INO80: variants seen among roughly 807,000 people sequenced by gnomAD.
The protein encoded by INO80 is INO80 complex ATPase subunit.
In INO80, 20 loss-of-function variants were observed where a neutral mutation model predicts 203.4. The ratio of observed to expected loss-of-function variants is 0.10; its 90% CI spans 0.07 to 0.14. INO80 has a LOEUF of 0.14. INO80 is among the 10% of genes least tolerant of loss of function. The pLI, the probability that INO80 is intolerant of heterozygous loss-of-function variation, is 1.00. For synonymous variants in INO80, 726 were observed against 685.2 expected (o/e 1.06, Z -0.93); for missense variants, 1,419 against 1,914.4 (o/e 0.74, Z 4.83).
chr15:41,068,874 A>C (rs1418604159), intron 14 of INO80, among the ~76,000 whole-genome samples: 1 of 152,140 alleles, frequency 6.6e-6, no homozygotes, highest in Non-Finnish European at 1.5e-5. Context: ...CAAAAACAAA[A>C]ACAAGACATG....
chr15:41,004,776 A>G (rs1297444087), intron 28 of INO80: 6 of 152,212 alleles, frequency 3.9e-5, no homozygotes, highest in Non-Finnish European at 7.3e-5. Flanking sequence ...ACAGTATTGC[A>G]ATTTGTCATA....
chr15:41,083,830 AC>A (rs1234419787), intron 7 of INO80, among the ~76,000 whole-genome samples: 13 of 152,142 alleles, frequency 8.5e-5, no homozygotes, highest in African/African-American at 2.9e-4. Flanking sequence ...CTAAATTGCT[AC>A]CCAGTTGTCT....
chr15:41,073,314 A>C, intron 11 of INO80, 114 bp downstream of exon 11: 1 of 870,600 alleles, frequency 1.1e-6, no homozygotes, highest in Non-Finnish European at 2.0e-6. Flanking sequence ...TACACAAGCT[A>C]GTCTATGCTT....
intron 11 of INO80, among the ~76,000 whole-genome samples, chr15:41,072,857 A>T (rs1046580330): frequency 7.3e-5 from 11 of 151,012 alleles, no homozygotes; most frequent in South Asian, 2.1e-4. Flanking sequence ...CTCGGCTCAC[A>T]GCAAGCTCCG....
At chr15:41,009,374 C>A in intron 27 of INO80, among the ~76,000 whole-genome samples, 1 of 109,224 alleles carries the variant, frequency 9.2e-6, no homozygotes. Flanking sequence ...CAATGCTATC[C>A]CTCCCCCCTC....
At chr15:41,033,076 G>A (rs2412598) in intron 24 of INO80, among the ~76,000 whole-genome samples, 145,881 of 152,238 alleles carry the variant, frequency 0.96, 70,226 homozygotes, top group East Asian at 1. Context: ...CTTTCAGCAC[G>A]TACTATGCAT....
intron 27 of INO80, among the ~76,000 whole-genome samples, chr15:41,007,709 C>T (rs922253586): frequency 6.9e-6 from 1 of 145,882 alleles, no homozygotes; most frequent in Non-Finnish European, 1.5e-5. Context: ...TGAACTAAGA[C>T]GAGCAGTGGG....
chr15:41,092,998 G>A (rs2045667224), intron 4 of INO80, among the ~76,000 whole-genome samples: 1 of 152,098 alleles, frequency 6.6e-6, no homozygotes, highest in Admixed American at 6.5e-5. Flanking sequence ...CTGCACCACT[G>A]CACTCCAACC....
chr15:40,986,160 C>T (rs538701217), intron 31 of INO80, among the ~76,000 whole-genome samples: 4 of 152,210 alleles, frequency 2.6e-5, no homozygotes, highest in South Asian at 4.2e-4. Flanking sequence ...GTTACAGCTG[C>T]GTGCTTCTCC....
At chr15:41,057,385 G>A (rs1214405187) in intron 16 of INO80, among the ~76,000 whole-genome samples, 4 of 151,368 alleles carry the variant, frequency 2.6e-5, no homozygotes, top group South Asian at 2.1e-4. Flanking sequence ...CAGGGAGGTC[G>A]AGGCTGCAGT....
At chr15:40,998,015 TC>T (rs1433665264) in intron 28 of INO80, among the ~76,000 whole-genome samples, 7 of 106,142 alleles carry the variant, frequency 6.6e-5, no homozygotes, top group Admixed American at 2.7e-4. Context: ...TCCAAAACAC[TC>T]TTTTTTTTTT....
intron 25 of INO80, among the ~76,000 whole-genome samples, chr15:41,023,915 C>T (rs1259145118): frequency 6.6e-6 from 1 of 150,902 alleles, no homozygotes; most frequent in Non-Finnish European, 1.5e-5. Context: ...AAAAGCAGAA[C>T]TTATATTGGA....
At chr15:41,056,994 T>C (rs1043165346) in intron 16 of INO80, among the ~76,000 whole-genome samples, 2 of 152,226 alleles carry the variant, frequency 1.3e-5, no homozygotes, top group Non-Finnish European at 2.9e-5. Context: ...CTATTATCTT[T>C]AGTCATTTTT....
In INO80 at chr15:40,996,778, A is replaced by G. The variant is rs906638075; in HGVS notation, c.3570+751T>C. Reference sequence around the variant, plus strand: ...CCAACCACCTTTTGAAGTTCAGGATACAAAAAATGGGTTTTTCCATTAATG... The same window carrying G: ...CCAACCACCTTTTGAAGTTCAGGATGCAAAAAATGGGTTTTTCCATTAATG... On this transcript the variant is annotated intron_variant, in intron 29 of 35. Transcript: ENST00000648947. 2.0e-5 allele frequency among the ~76,000 whole-genome samples: 3 copies of G among 152,260 alleles called. No individual in the cohort carries two copies. In the East Asian group the frequency reaches 5.8e-4, roughly 29 times the overall value.
Position 41,072,009 on chromosome 15 carries a change from C to T in INO80, c.1445G>A (p.Arg482Gln), listed in dbSNP as rs755068070. The stretch of plus-strand genomic sequence containing the variant: ...CCCAGTGCCAGACTTGTTTGCTGCC[C>T]GTAGGGCAGCTGCTCGACTTTCTTT... ...DAKESRAAAL[R>Q]AANKSGTGFG... The change falls in exon 12 of 36, where the codon CGG (arginine) becomes CAG (glutamine). Residue 482 changes from arginine (R) to glutamine (Q), a missense_variant. Transcript: ENST00000648947. 8.1e-6 allele frequency: 13 copies of T among 1,609,996 alleles called. No individual in the cohort carries two copies. The highest frequency in any genetic ancestry group is 5.5e-5 in the South Asian group (5 of 90,552).
intron 24 of INO80, among the ~76,000 whole-genome samples, chr15:41,041,456 T>C (rs910862122): frequency 3.9e-5 from 6 of 151,912 alleles, no homozygotes; most frequent in African/African-American, 1.2e-4. Flanking sequence ...CTTTCTTTTT[T>C]TGAGACGGAG....
intron 29 of INO80, among the ~76,000 whole-genome samples, chr15:40,993,158 A>T (rs2043837495): frequency 6.6e-6 from 1 of 152,136 alleles, no homozygotes; most frequent in Admixed American, 6.6e-5. Flanking sequence ...CTACTTATGG[A>T]TCAGAGGCCT....
intron 1 of INO80, among the ~76,000 whole-genome samples, chr15:41,101,699 G>A (rs2045810137): frequency 6.6e-6 from 1 of 151,782 alleles, no homozygotes; most frequent in Admixed American, 6.6e-5. Context: ...GCAGGCGCCC[G>A]CCACAACGCC....
chr15:41,010,684 T>C lies in INO80; in HGVS notation c.3403-4997A>G, dbSNP rs181681431. Among the ~76,000 whole-genome samples, 408 of 152,290 alleles carry C rather than the reference T, an allele frequency of 2.7e-3. 3 individuals carry two copies. Among genetic ancestry groups the C allele is most frequent in the South Asian group, 0.013 (61 of 4,822 alleles). ...TATATCCTGTCCATAACCTGATCTATCATCATCATAAAGGATAATTGGACA... is the reference window on the plus strand; with the variant it reads ...TATATCCTGTCCATAACCTGATCTACCATCATCATAAAGGATAATTGGACA... On this transcript the variant is annotated intron_variant, in intron 27 of 35. Transcript: ENST00000648947.
Sources: gnomAD v4.1 joint callset for allele counts (sites outside exome capture counted in the v4.1 genomes callset) on GRCh38, gnomAD v4.1.1 for gene constraint, MANE v1.5 for transcripts, NCBI Gene and HGNC (gene_info 2026-07-23, HGNC 2026-07-21) for gene names.